ITGB3: variants seen among roughly 807,000 people sequenced by gnomAD.
ITGB3 encodes the protein integrin beta-3.
ITGB3 carries 48 observed loss-of-function variants against 85.8 expected under a neutral mutation model. That is an observed-to-expected ratio of 0.56 (90% CI 0.44 to 0.71). The LOEUF is 0.71. Ranked by LOEUF, ITGB3 falls within the 30% of genes least tolerant of loss-of-function variation. The pLI, the probability that ITGB3 is intolerant of heterozygous loss-of-function variation, is 0.00. For synonymous variants in ITGB3, 363 were observed against 395.6 expected (o/e 0.92, Z 0.98); for missense variants, 861 against 1,019.1 (o/e 0.84, Z 2.11).
chr17:47,279,690 C>T (rs1453011098), intron 2 of ITGB3: 1 of 152,218 alleles, frequency 6.6e-6, no homozygotes, highest in Non-Finnish European at 1.5e-5. Flanking sequence ...CTGATGGAGC[C>T]TGAAGATGCA....
At position 47,289,876 on chromosome 17, in the gene ITGB3, G is replaced by C; in HGVS notation, c.1035+100G>C. The C allele has an allele frequency of 4.5e-6, 4 of 884,532 alleles. No individual in the cohort carries two copies. The South Asian group carries it at 5.3e-5, about 12-fold the overall frequency. 54.8% of individuals were successfully genotyped at this position (884,532 alleles called of 1,614,324 possible). A position where few individuals can be genotyped will look rare whatever the true frequency, so the allele number is the denominator to read the frequency against. ...TTGGATACAGTCCCCAATCAGGAAAGAGTCTCCCCTAATCCACTCCCCAGG... is the reference window on the plus strand; with the variant it reads ...TTGGATACAGTCCCCAATCAGGAAACAGTCTCCCCTAATCCACTCCCCAGG... On this transcript the variant is annotated intron_variant, in intron 7 of 14. Coordinates refer to ENST00000559488, the MANE Select transcript of ITGB3 (RefSeq NM_000212.3).
chr17:47,271,103 G>T (rs1017602484), intron 1 of ITGB3, among the ~76,000 whole-genome samples: 1 of 152,160 alleles, frequency 6.6e-6, no homozygotes, highest in African/African-American at 2.4e-5. Flanking sequence ...AATCTGTTGG[G>T]TGGCAGTGTT....
At position 47,284,505 on chromosome 17, in the gene ITGB3, T is replaced by C; in HGVS notation, c.424T>C (p.Tyr142His). ...GGAGGATTACCCTGTGGACATCTACTACTTGATGGACCTGTCTTACTCCAT... is the reference window on the plus strand; with the variant it reads ...GGAGGATTACCCTGTGGACATCTACCACTTGATGGACCTGTCTTACTCCAT... ...QVEDYPVDIY[Y>H]LMDLSYSMKD... The change falls in exon 4 of 15, where the codon TAC becomes CAC. Residue 142 changes from tyrosine (Y) to histidine (H), a missense_variant. Tyr to His is a moderately conservative substitution (Grantham distance 83). Transcript: ENST00000559488. 1 of 1,614,178 alleles carries C rather than the reference T, an allele frequency of 6.2e-7. No individual in the cohort carries two copies.
chr17:47,294,730 G>A (rs566387772), intron 10 of ITGB3, among the ~76,000 whole-genome samples: 1 of 152,300 alleles, frequency 6.6e-6, no homozygotes, highest in South Asian at 2.1e-4. Context: ...TGGTCCATAT[G>A]AGTGAACAAG....
chr17:47,262,032 A>G (rs1023738038), intron 1 of ITGB3, among the ~76,000 whole-genome samples: 3 of 152,196 alleles, frequency 2.0e-5, no homozygotes, highest in Non-Finnish European at 2.9e-5. Context: ...ATCCTTATTC[A>G]TTTATTATGC....
intron 10 of ITGB3, among the ~76,000 whole-genome samples, chr17:47,298,203 A>G (rs1468423476): frequency 6.6e-6 from 1 of 152,234 alleles, no homozygotes; most frequent in Non-Finnish European, 1.5e-5. Context: ...GGATGAGTCA[A>G]CAGGGGCATG....
chr17:47,255,323 A>G (rs911124420), intron 1 of ITGB3, among the ~76,000 whole-genome samples: 1 of 152,048 alleles, frequency 6.6e-6, no homozygotes, highest in Admixed American at 6.6e-5. Context: ...AATTCACTTC[A>G]AAGATAAACT....
rs2065192816 is a variant in ITGB3, at chr17:47,307,463, C to T, written c.2135-8C>T. On this transcript the variant is annotated splice_polypyrimidine_tract_variant and splice_region_variant and intron_variant, in intron 13 of 14. Coordinates refer to ENST00000559488, the MANE Select transcript of ITGB3 (RefSeq NM_000212.3). The stretch of plus-strand genomic sequence containing the variant: ...ACAACCGCCCTGCTCTGTGCTTCTT[C>T]CTCACAGAGTGTCCCAAGGGCCCTG... 1 of 1,613,582 alleles carries T rather than the reference C, an allele frequency of 6.2e-7. No homozygotes were observed. The highest frequency in any genetic ancestry group is 8.5e-7 in the Non-Finnish European group (1 of 1,179,956).
chr17:47,284,994 A>C (rs1407444630), intron 4 of ITGB3, among the ~76,000 whole-genome samples: 1 of 152,240 alleles, frequency 6.6e-6, no homozygotes, highest in Non-Finnish European at 1.5e-5. Context: ...AAAAGTAGAA[A>C]GAAATTTATG....
intron 2 of ITGB3, among the ~76,000 whole-genome samples, chr17:47,278,261 A>G (rs780837473): frequency 3.9e-5 from 6 of 152,192 alleles, no homozygotes; most frequent in Admixed American, 2.0e-4. Flanking sequence ...CAAGAAGAGT[A>G]TGAAATAATA....
At chr17:47,281,661 A>G (rs996928428) in intron 2 of ITGB3, among the ~76,000 whole-genome samples, 1 of 152,116 alleles carries the variant, frequency 6.6e-6, no homozygotes, top group Non-Finnish European at 1.5e-5. Flanking sequence ...GTGAAGGAGG[A>G]CACTGAAGTG....
rs2065096411 is a variant in ITGB3, at chr17:47,284,651, C to A, written c.570C>A (p.Tyr190Ter). The A allele has an allele frequency of 6.2e-7, 1 of 1,614,152 alleles. No individual in the cohort carries two copies. Among genetic ancestry groups the A allele is most frequent in the Non-Finnish European group, 8.5e-7 (1 of 1,180,018 alleles). The stretch of plus-strand genomic sequence containing the variant: ...TTGTGGACAAGCCTGTGTCACCATA[C>A]ATGTATATCTCCCCACCAGAGGCCC... The part of the protein sequence containing the change: ...GAFVDKPVSP[Y>*]MYISPPEALE... Residue 190 changes from tyrosine (Y) to a stop codon, truncating the protein, a stop_gained, in exon 4 of 15, where the codon TAC (tyrosine) becomes TAA (stop). Coordinates refer to ENST00000559488, the MANE Select transcript of ITGB3 (RefSeq NM_000212.3). LOFTEE classifies it high-confidence loss of function.
chr17:47,287,012 T>C, intron 5 of ITGB3, 58 bp from the exon 6 acceptor site: 1 of 1,575,596 alleles, frequency 6.3e-7, no homozygotes, highest in Non-Finnish European at 8.7e-7. Context: ...TCTCTACCAG[T>C]GACATGGCTG....
chr17:47,275,434 G>A (rs2065060137), intron 2 of ITGB3, among the ~76,000 whole-genome samples: 1 of 152,164 alleles, frequency 6.6e-6, no homozygotes, highest in Admixed American at 6.6e-5. Flanking sequence ...AAGAGATTCG[G>A]TGATTATAGA....
At position 47,286,948 on chromosome 17, in the gene ITGB3, T is replaced by C. The variant is rs931037259; in HGVS notation, c.778-122T>C. 4.2e-6 allele frequency: 4 copies of C among 951,726 alleles called. No homozygotes were observed. In the African/African-American group the frequency reaches 6.5e-5, roughly 15 times the overall value. 59.0% of individuals were successfully genotyped at this position (951,726 alleles called of 1,614,324 possible). A position where few individuals can be genotyped will look rare whatever the true frequency, so the allele number is the denominator to read the frequency against. ...AGGACTGGGACTGAGACCCTTGTTT[T>C]GAAGAAAAATAAGCTGTCCAGCCCT... On this transcript the variant is annotated intron_variant, in intron 5 of 14. Transcript: ENST00000559488.
At chr17:47,257,253 C>T (rs1189823751) in intron 1 of ITGB3, among the ~76,000 whole-genome samples, 2 of 152,208 alleles carry the variant, frequency 1.3e-5, no homozygotes, top group Non-Finnish European at 2.9e-5. Context: ...TCCCTTTCCC[C>T]CACATATGTG....
intron 2 of ITGB3, chr17:47,279,717 C>T (rs1669803074): frequency 6.6e-6 from 1 of 152,276 alleles, no homozygotes; most frequent in African/African-American, 2.4e-5. Context: ...CCTTGCTGCT[C>T]TCATCCAGTT....
intron 1 of ITGB3, among the ~76,000 whole-genome samples, chr17:47,259,131 A>T (rs2065000433): frequency 6.6e-6 from 1 of 152,178 alleles, no homozygotes; most frequent in South Asian, 2.1e-4. Flanking sequence ...GTAGTTAAAG[A>T]CTTCAGGATA....
Position 47,255,968 on chromosome 17 carries a change from A to AAAATAAATAAAT in ITGB3, c.79+2046_79+2057dup, listed in dbSNP as rs574713478. Among the ~76,000 whole-genome samples, 757 of 150,960 alleles carry AAAATAAATAAAT rather than the reference A, an allele frequency of 5.0e-3. 6 individuals are homozygous for AAAATAAATAAAT. Among genetic ancestry groups the AAAATAAATAAAT allele is most frequent in the Non-Finnish European group, 7.3e-3 (494 of 67,776 alleles). On this transcript the variant is annotated intron_variant, in intron 1 of 14. Transcript: ENST00000559488. ...AGAAATCCACCAGGGCAACTCAGTAAAAATAAATAAATAAATAAATAAATA... is the reference window on the plus strand; with the variant it reads ...AGAAATCCACCAGGGCAACTCAGTAAAAATAAATAAATAAATAAATAAATAAATAAATAAATA...
Sources: allele counts gnomAD v4.1 joint callset (sites outside exome capture counted in the v4.1 genomes callset), GRCh38; gene constraint gnomAD v4.1.1; transcripts MANE v1.5; gene names NCBI Gene and HGNC (gene_info 2026-07-23, HGNC 2026-07-21).